The following STX17 variants were observed in gnomAD, a reference collection of about 807,000 sequenced individuals.
STX17 encodes syntaxin 17, also known as syntaxin-17.
Under a neutral mutation model 35.9 loss-of-function variants are expected in STX17, and 29 were observed. That is an observed-to-expected ratio of 0.81 (90% CI 0.60 to 1.10). The LOEUF is 1.10. Among genes scored for constraint, STX17 ranks in the 50% least tolerant of loss-of-function variants. The pLI is 0.00. For missense variants in STX17, 312 were observed against 352.3 expected (o/e 0.89, Z 0.92); for synonymous variants, 92 against 118.3 (o/e 0.78, Z 1.44).
intron 2 of STX17, among the ~76,000 whole-genome samples, chr9:99,923,327 C>A (rs1828925346): frequency 6.6e-6 from 1 of 152,060 alleles, no homozygotes; most frequent in Non-Finnish European, 1.5e-5. Flanking sequence ...TTATAATCTT[C>A]CTCATAAGAT....
intron 3 of STX17, among the ~76,000 whole-genome samples, chr9:99,934,238 A>C (rs1405730917): frequency 1.3e-5 from 2 of 152,172 alleles, no homozygotes; most frequent in East Asian, 1.9e-4. Context: ...TTGGCACTTC[A>C]TAAGAATCTT....
intron 6 of STX17, 111 bp downstream of exon 6, chr9:99,960,266 C>G: frequency 1.8e-6 from 2 of 1,114,592 alleles, no homozygotes; most frequent in Admixed American, 2.3e-5. Flanking sequence ...ATTTTTAAGA[C>G]TGGTATTAAG....
intron 2 of STX17, among the ~76,000 whole-genome samples, chr9:99,927,753 G>A (rs1282219577): frequency 6.6e-6 from 1 of 152,114 alleles, no homozygotes; most frequent in Non-Finnish European, 1.5e-5. Context: ...CTGGGATTAT[G>A]GGCATGAGCC....
chr9:99,966,293 T>C (rs1829909500), intron 6 of STX17, among the ~76,000 whole-genome samples: 1 of 152,162 alleles, frequency 6.6e-6, no homozygotes, highest in Admixed American at 6.5e-5. Flanking sequence ...GTCAAGATAG[T>C]GGTGGAGAAT....
intron 3 of STX17, 160 bp downstream of exon 3, chr9:99,929,003 A>G: frequency 1.7e-6 from 1 of 573,562 alleles, no homozygotes; most frequent in Non-Finnish European, 3.0e-6. Flanking sequence ...CACATGCCAT[A>G]CATATTTTCA....
intron 1 of STX17, 138 bp from the exon 2 acceptor site, chr9:99,915,040 A>G (rs1828737958): frequency 4.9e-6 from 2 of 411,134 alleles, no homozygotes; most frequent in African/African-American, 2.1e-5. Flanking sequence ...TTTCATAAAG[A>G]AAAAAACAAG....
intron 3 of STX17, among the ~76,000 whole-genome samples, chr9:99,930,227 T>A (rs1829090590): frequency 6.6e-6 from 1 of 151,756 alleles, no homozygotes; most frequent in African/African-American, 2.4e-5. Flanking sequence ...ATTTCTTATA[T>A]GCTCAAATAT....
At chr9:99,954,420 T>C (rs1829668191) in intron 4 of STX17, among the ~76,000 whole-genome samples, 2 of 151,966 alleles carry the variant, frequency 1.3e-5, no homozygotes, top group South Asian at 4.1e-4. Context: ...TCTGCTATAT[T>C]GCCTCAAGTC....
At position 99,974,390 on chromosome 9, in the gene STX17, G is replaced by A. The variant is rs143979685; in HGVS notation, c.*5717G>A. On this transcript the variant is annotated 3_prime_UTR_variant, in exon 8 of 8. Transcript: ENST00000259400. Reference sequence around the variant, plus strand: ...TCCATTTTATTGTTAAACACTTGGTGTTAGCAAGGGTCAGCACGAGAAAAG... The same window carrying A: ...TCCATTTTATTGTTAAACACTTGGTATTAGCAAGGGTCAGCACGAGAAAAG... Among the ~76,000 whole-genome samples, 3 of 152,326 alleles carry A rather than the reference G, an allele frequency of 2.0e-5. No individual in the cohort carries two copies. The highest frequency in any genetic ancestry group is 4.4e-5 in the Non-Finnish European group (3 of 68,030).
At chr9:99,942,167 C>G (rs1038751983) in intron 3 of STX17, among the ~76,000 whole-genome samples, 4 of 152,166 alleles carry the variant, frequency 2.6e-5, no homozygotes, top group African/African-American at 4.8e-5. Context: ...TTTAGCTGTT[C>G]TGGTGGGTAA....
intron 1 of STX17, chr9:99,913,941 C>T (rs1021470752): frequency 1.3e-5 from 2 of 151,454 alleles, no homozygotes; most frequent in Admixed American, 6.6e-5. Context: ...GGACTCTATT[C>T]TCCAAAATAA....
At chr9:99,912,331 T>C (rs1201062329) in intron 1 of STX17, among the ~76,000 whole-genome samples, 2 of 152,186 alleles carry the variant, frequency 1.3e-5, no homozygotes, top group East Asian at 1.9e-4. Context: ...AGATGGTATC[T>C]CATTGTGGTT....
intron 1 of STX17, among the ~76,000 whole-genome samples, chr9:99,908,061 C>G (rs950219677): frequency 6.6e-6 from 1 of 152,174 alleles, no homozygotes; most frequent in South Asian, 2.1e-4. Context: ...CCAGTGTTCT[C>G]TCATGATTAG....
At chr9:99,956,831 G>C (rs1829719523) in intron 4 of STX17, among the ~76,000 whole-genome samples, 1 of 152,166 alleles carries the variant, frequency 6.6e-6, no homozygotes, top group South Asian at 2.1e-4. Flanking sequence ...GCATTCATAG[G>C]CTTTAAAGGT....
chr9:99,961,089 T>A (rs572507051), intron 6 of STX17, among the ~76,000 whole-genome samples: 91 of 152,252 alleles, frequency 6.0e-4, no homozygotes, highest in African/African-American at 2.0e-3. Context: ...TAAGGTACCA[T>A]GGGCAAGCAA....
At chr9:99,936,840 T>C (rs1056770935) in intron 3 of STX17, among the ~76,000 whole-genome samples, 1 of 152,186 alleles carries the variant, frequency 6.6e-6, no homozygotes, top group Admixed American at 6.5e-5. Flanking sequence ...ATCTTATATA[T>C]GTACTGGTGT....
chr9:99,944,508 G>T (rs1473459994), intron 3 of STX17, among the ~76,000 whole-genome samples: 2 of 141,212 alleles, frequency 1.4e-5, no homozygotes, highest in African/African-American at 5.4e-5. Flanking sequence ...TTTCATTCAG[G>T]TCAAAGCATT....
chr9:99,967,625 C>A (rs750734995), intron 6 of STX17, 28 bp from the exon 7 acceptor site: 2 of 1,606,480 alleles, frequency 1.2e-6, no homozygotes, highest in Admixed American at 1.7e-5. Flanking sequence ...CCAGCAGGAC[C>A]GCTCACTCAT....
intron 4 of STX17, among the ~76,000 whole-genome samples, chr9:99,958,213 TCTC>T (rs367932148): frequency 1.6e-4 from 24 of 152,198 alleles, no homozygotes; most frequent in African/African-American, 5.5e-4. Flanking sequence ...ACTCTTTGCT[TCTC>T]CTTCCACCCC....
Sources: allele counts gnomAD v4.1 joint callset (sites outside exome capture counted in the v4.1 genomes callset), GRCh38; gene constraint gnomAD v4.1.1; transcripts MANE v1.5; gene names NCBI Gene and HGNC (gene_info 2026-07-23, HGNC 2026-07-21).